The following ALCAM variants were observed in gnomAD, a reference collection of about 807,000 sequenced individuals.
The protein encoded by ALCAM is CD166 antigen.
Under a neutral mutation model 70.9 loss-of-function variants are expected in ALCAM, and 30 were observed. That is an observed-to-expected ratio of 0.42 (90% CI 0.32 to 0.57). The LOEUF (loss-of-function observed/expected upper bound fraction) is 0.57. Among genes scored for constraint, ALCAM ranks in the 20% least tolerant of loss-of-function variants. The probability of loss-of-function intolerance (pLI) is 0.11; values close to 1 mark genes in which losing one functional copy is unlikely to be tolerated. For synonymous variants in ALCAM, 249 were observed against 242.5 expected, an observed-to-expected ratio of 1.03 and a Z score of -0.25; for missense variants, 591 against 695.1, an observed-to-expected ratio of 0.85 and a Z score of 1.68.
intron 1 of ALCAM, among the ~76,000 whole-genome samples, chr3:105,369,648 G>T (rs975959606): frequency 6.6e-6 from 1 of 152,142 alleles, no homozygotes; most frequent in African/African-American, 2.4e-5. Context: ...GGTGCCAAAG[G>T]CCGGCTTCAT....
At chr3:105,446,794 G>T (rs1014831350) in intron 1 of ALCAM, among the ~76,000 whole-genome samples, 1 of 152,076 alleles carries the variant, frequency 6.6e-6, no homozygotes, top group African/African-American at 2.4e-5. Context: ...CTTACCTGTA[G>T]AATCTACAGG....
At chr3:105,397,127 G>A (rs529162789) in intron 1 of ALCAM, among the ~76,000 whole-genome samples, 12 of 152,108 alleles carry the variant, frequency 7.9e-5, no homozygotes, top group Admixed American at 3.3e-4. Flanking sequence ...CTGAAATTGT[G>A]CTTTGTGAAA....
intron 1 of ALCAM, among the ~76,000 whole-genome samples, chr3:105,382,563 A>C (rs1303417554): frequency 2.0e-5 from 3 of 152,142 alleles, no homozygotes; most frequent in African/African-American, 7.2e-5. Context: ...CCAACAGTGT[A>C]AAAGTGTTCC....
chr3:105,485,537 T>A (rs1166181587), intron 1 of ALCAM, among the ~76,000 whole-genome samples: 1 of 152,088 alleles, frequency 6.6e-6, no homozygotes, highest in Non-Finnish European at 1.5e-5. Context: ...GCATTAGGTC[T>A]ATAATAATAA....
At chr3:105,573,063 G>A (rs749663861) in intron 15 of ALCAM, among the ~76,000 whole-genome samples, 27 of 152,114 alleles carry the variant, frequency 1.8e-4, no homozygotes, top group Non-Finnish European at 3.5e-4. Context: ...AATGGCTCAC[G>A]CCTGTAATCC....
intron 11 of ALCAM, among the ~76,000 whole-genome samples, chr3:105,548,410 A>G (rs913798787): frequency 4.0e-5 from 6 of 151,408 alleles, no homozygotes. Flanking sequence ...GATTATTTAA[A>G]TCTTCTGTAC....
At chr3:105,469,305 T>A (rs1394689517) in intron 1 of ALCAM, among the ~76,000 whole-genome samples, 1 of 151,290 alleles carries the variant, frequency 6.6e-6, no homozygotes, top group Non-Finnish European at 1.5e-5. Flanking sequence ...ACTGCACAGT[T>A]CAGAGTTCTG....
At chr3:105,389,875 T>A (rs1935767049) in intron 1 of ALCAM, among the ~76,000 whole-genome samples, 1 of 151,862 alleles carries the variant, frequency 6.6e-6, no homozygotes, top group African/African-American at 2.4e-5. Flanking sequence ...CTAAGGATAA[T>A]GGCTTCCCAC....
intron 15 of ALCAM, 76 bp downstream of exon 15, chr3:105,572,040 TG>T (rs1940869909): frequency 1.3e-6 from 1 of 785,524 alleles, no homozygotes; most frequent in African/African-American, 1.7e-5. Flanking sequence ...AAGTCCTTTA[TG>T]TTAAGATGCT....
At chr3:105,395,979 T>C (rs1171984670) in intron 1 of ALCAM, among the ~76,000 whole-genome samples, 1 of 151,944 alleles carries the variant, frequency 6.6e-6, no homozygotes, top group Non-Finnish European at 1.5e-5. Flanking sequence ...TTAGCTTGGG[T>C]CAGGTGTCCA....
At chr3:105,561,031 A>G (rs1034225249) in intron 14 of ALCAM, among the ~76,000 whole-genome samples, 1 of 152,138 alleles carries the variant, frequency 6.6e-6, no homozygotes, top group Non-Finnish European at 1.5e-5. Context: ...CCATGATCAT[A>G]TATCTCCTCA....
chr3:105,534,590 G>A, intron 5 of ALCAM, 73 bp from the exon 6 acceptor site: 10 of 1,405,826 alleles, frequency 7.1e-6, no homozygotes, highest in Non-Finnish European at 1.0e-5. Context: ...TCTCAAAGGT[G>A]TGGTGCTGTT....
Position 105,550,115 on chromosome 3 carries a change from T to G in ALCAM, c.1375-12T>G. On this transcript the variant is annotated splice_polypyrimidine_tract_variant and intron_variant, in intron 11 of 15. Transcript: ENST00000306107. ...TTGATTTCTAAACCCACCTTTTTTC[T>G]TCTTTTTCCAGACAGAGGAATCTCC... 1.9e-6 allele frequency: 3 copies of G among 1,572,674 alleles called. No individual in the cohort carries two copies. Among genetic ancestry groups the G allele is most frequent in the Non-Finnish European group, 2.6e-6 (3 of 1,152,626 alleles).
chr3:105,572,957 G>A (rs558878151), intron 15 of ALCAM, among the ~76,000 whole-genome samples: 1 of 152,262 alleles, frequency 6.6e-6, no homozygotes, highest in South Asian at 2.1e-4. Flanking sequence ...TGGTGTTTGG[G>A]TTCAGTAAGA....
intron 1 of ALCAM, among the ~76,000 whole-genome samples, chr3:105,505,527 C>A (rs1939049631): frequency 6.6e-6 from 1 of 152,180 alleles, no homozygotes; most frequent in Non-Finnish European, 1.5e-5. Context: ...TGCAGGAACA[C>A]AAATCCAAAT....
chr3:105,454,656 T>G (rs1937509864), intron 1 of ALCAM, among the ~76,000 whole-genome samples: 1 of 41,480 alleles, frequency 2.4e-5, no homozygotes, highest in Non-Finnish European at 6.0e-5. Context: ...CTCATTAATT[T>G]TTTTTTTTTT....
intron 1 of ALCAM, among the ~76,000 whole-genome samples, chr3:105,400,877 A>G (rs1270712140): frequency 6.6e-6 from 1 of 152,198 alleles, no homozygotes; most frequent in Non-Finnish European, 1.5e-5. Context: ...TTTAATTCCC[A>G]TCTGTAAAAT....
intron 1 of ALCAM, among the ~76,000 whole-genome samples, chr3:105,493,593 G>GA (rs148355662): frequency 0.014 from 2,057 of 150,166 alleles, 37 homozygotes; most frequent in African/African-American, 0.045. Flanking sequence ...GGCTGGTTTT[G>GA]AAAAAAAAAG....
chr3:105,490,401 A>G (rs1211368181), intron 1 of ALCAM, among the ~76,000 whole-genome samples: 1 of 152,236 alleles, frequency 6.6e-6, no homozygotes, highest in Non-Finnish European at 1.5e-5. Flanking sequence ...GTACCGCCGA[A>G]TCCTCTTAGC....
Sources: gnomAD v4.1 joint callset for allele counts (sites outside exome capture counted in the v4.1 genomes callset) on GRCh38, gnomAD v4.1.1 for gene constraint, MANE v1.5 for transcripts, NCBI Gene and HGNC (gene_info 2026-07-23, HGNC 2026-07-21) for gene names.